Variants in DSCAML1 observed in about 807,000 individuals in gnomAD.
The protein encoded by DSCAML1 is cell adhesion molecule DSCAML1.
A neutral mutation model predicts 200.5 loss-of-function variants in DSCAML1; 38 were observed. The observed-to-expected ratio is 0.19, with a 90% CI of 0.15 to 0.25. The LOEUF (loss-of-function observed/expected upper bound fraction) is 0.25, where lower values mean the gene tolerates loss of function less well. Among genes scored for constraint, DSCAML1 ranks in the 10% least tolerant of loss-of-function variants. The pLI is 1.00. For synonymous variants in DSCAML1, 1,215 were observed against 1,165.0 expected (o/e 1.04, Z -0.87); for missense variants, 2,223 against 2,858.8 (o/e 0.78, Z 5.07).
chr11:117,570,640 T>A (rs1565796252), intron 3 of DSCAML1, among the ~76,000 whole-genome samples: 2 of 152,210 alleles, frequency 1.3e-5, no homozygotes, highest in Non-Finnish European at 2.9e-5. Flanking sequence ...GGAATACCAA[T>A]CCCTTTACAA....
intron 3 of DSCAML1, among the ~76,000 whole-genome samples, chr11:117,570,485 A>T (rs1282459844): frequency 1.3e-5 from 2 of 152,208 alleles, no homozygotes; most frequent in African/African-American, 4.8e-5. Flanking sequence ...CTGCACTGAA[A>T]TATAAGTGTC....
intron 3 of DSCAML1, among the ~76,000 whole-genome samples, chr11:117,758,432 C>T (rs1174649437): frequency 1.3e-5 from 2 of 151,734 alleles, no homozygotes; most frequent in African/African-American, 2.4e-5. Context: ...GACGGAGTCT[C>T]GCTCTGTTGC....
chr11:117,756,459 G>A (rs1417115933), intron 3 of DSCAML1, among the ~76,000 whole-genome samples: 2 of 152,198 alleles, frequency 1.3e-5, no homozygotes, highest in African/African-American at 4.8e-5. Context: ...TTGGGAGCCA[G>A]AGCCAGCGAC....
At chr11:117,803,114 C>T (rs1037826962) in intron 1 of DSCAML1, among the ~76,000 whole-genome samples, 1 of 151,928 alleles carries the variant, frequency 6.6e-6, no homozygotes, top group African/African-American at 2.4e-5. Context: ...TTATATGGTT[C>T]ACAGGCCATG....
At chr11:117,651,663 G>C (rs887675071) in intron 3 of DSCAML1, among the ~76,000 whole-genome samples, 7 of 123,206 alleles carry the variant, frequency 5.7e-5, no homozygotes, top group Non-Finnish European at 1.1e-4. Flanking sequence ...AGTGAGCCGA[G>C]ATCTTGCCAG....
chr11:117,430,369 T>C (rs1036767823), intron 32 of DSCAML1, among the ~76,000 whole-genome samples: 2 of 152,238 alleles, frequency 1.3e-5, no homozygotes, highest in African/African-American at 4.8e-5. Flanking sequence ...AAGGGGATGC[T>C]CACTACCGAA....
At chr11:117,684,597 AAAAG>A (rs1394002699) in intron 3 of DSCAML1, among the ~76,000 whole-genome samples, 2 of 152,168 alleles carry the variant, frequency 1.3e-5, no homozygotes, top group African/African-American at 4.8e-5. Flanking sequence ...TTTCATTAAA[AAAAG>A]AAAAGACAGA....
intron 1 of DSCAML1, among the ~76,000 whole-genome samples, chr11:117,808,961 G>T (rs147609908): frequency 1.4e-3 from 208 of 152,254 alleles, no homozygotes; most frequent in Middle Eastern, 3.4e-3. Flanking sequence ...GACACTAAAG[G>T]ACTTCCCCAG....
chr11:117,637,533 G>A (rs2052317006), intron 3 of DSCAML1, among the ~76,000 whole-genome samples: 1 of 152,024 alleles, frequency 6.6e-6, no homozygotes, highest in South Asian at 2.1e-4. Flanking sequence ...TTTTAGTAGA[G>A]ACGGGGTTTC....
chr11:117,642,056 C>G lies in DSCAML1; in HGVS notation c.512-109534G>C, dbSNP rs1405259474. The stretch of plus-strand genomic sequence containing the variant: ...CCACTCCAACAGCCCCTGGTGACAG[C>G]TCCCTTTTCTGAACATCGATGGCAG... On this transcript the variant is annotated intron_variant, in intron 3 of 32. Coordinates refer to ENST00000651296, the MANE Select transcript of DSCAML1 (RefSeq NM_020693.4). This position sits in a 1 kb window ranked among gnomAD's most constrained non-coding sequence, Gnocchi z 4.1. 6.6e-6 allele frequency among the ~76,000 whole-genome samples: 1 copy of G among 152,170 alleles called. No homozygotes were observed. The highest frequency in any genetic ancestry group is 2.4e-5 in the African/African-American group (1 of 41,438).
chr11:117,576,444 C>A (rs2050934821), intron 3 of DSCAML1, among the ~76,000 whole-genome samples: 1 of 152,328 alleles, frequency 6.6e-6, no homozygotes, highest in South Asian at 2.1e-4. Context: ...ACTCTCCCAA[C>A]ATTTGTTTGA....
At chr11:117,444,490 C>T (rs2048136461) in intron 20 of DSCAML1, among the ~76,000 whole-genome samples, 1 of 152,184 alleles carries the variant, frequency 6.6e-6, no homozygotes, top group African/African-American at 2.4e-5. Flanking sequence ...CTCCCGTCAC[C>T]TCCTAGCCCT....
At chr11:117,533,203 ATTAG>A (rs375931683) in intron 3 of DSCAML1, among the ~76,000 whole-genome samples, 54 of 152,286 alleles carry the variant, frequency 3.5e-4, no homozygotes, top group African/African-American at 1.1e-3. Flanking sequence ...CTAAGTGAAT[ATTAG>A]TTCTCATCTT....
At chr11:117,578,358 C>G (rs1235420119) in intron 3 of DSCAML1, among the ~76,000 whole-genome samples, 1 of 152,082 alleles carries the variant, frequency 6.6e-6, no homozygotes, top group East Asian at 1.9e-4. Context: ...CCTGCTTCCT[C>G]CCTTCTGTTC....
At chr11:117,768,013 T>C (rs1034178983) in intron 3 of DSCAML1, among the ~76,000 whole-genome samples, 1 of 152,186 alleles carries the variant, frequency 6.6e-6, no homozygotes, top group African/African-American at 2.4e-5. Flanking sequence ...ACTGCCTCTG[T>C]GTCCTCACCT....
chr11:117,779,996 A>G (rs572253818), intron 2 of DSCAML1, among the ~76,000 whole-genome samples: 1 of 151,952 alleles, frequency 6.6e-6, no homozygotes, highest in Non-Finnish European at 1.5e-5. Flanking sequence ...GCACCAACTC[A>G]TTTAACCATC....
At chr11:117,804,996 G>T (rs1317280309) in intron 1 of DSCAML1, among the ~76,000 whole-genome samples, 1 of 152,172 alleles carries the variant, frequency 6.6e-6, no homozygotes, top group Non-Finnish European at 1.5e-5. Flanking sequence ...AGCAGCTCCA[G>T]TCCAGCGCCA....
intron 5 of DSCAML1, 112 bp from the exon 6 acceptor site, chr11:117,521,517 G>C: frequency 1.7e-6 from 2 of 1,159,904 alleles, no homozygotes; most frequent in African/African-American, 1.5e-5. Context: ...AAAAGGCCCA[G>C]GTTCTGCCTC....
intron 3 of DSCAML1, among the ~76,000 whole-genome samples, chr11:117,774,471 C>T (rs753128308): frequency 9.2e-5 from 14 of 152,272 alleles, no homozygotes; most frequent in African/African-American, 1.7e-4. Context: ...CATTCTTACT[C>T]GAACCCTATG....
Sources: gnomAD v4.1 joint callset for allele counts (sites outside exome capture counted in the v4.1 genomes callset) on GRCh38, gnomAD v4.1.1 for gene constraint, Gnocchi (gnomAD v3.1) non-coding constraint, MANE v1.5 for transcripts, NCBI Gene and HGNC (gene_info 2026-07-23, HGNC 2026-07-21) for gene names.